IL6ST: variants seen among roughly 807,000 people sequenced by gnomAD.
IL6ST encodes interleukin-6 receptor subunit beta.
IL6ST carries 24 observed loss-of-function variants against 91.3 expected under a neutral mutation model. The observed-to-expected ratio is 0.26, with a 90% confidence interval of 0.19 to 0.37. The LOEUF (loss-of-function observed/expected upper bound fraction) is 0.37, where lower values mean the gene tolerates loss of function less well. Among genes scored for constraint, IL6ST ranks in the 10% least tolerant of loss-of-function variants. The pLI, the probability that IL6ST is intolerant of heterozygous loss-of-function variation, is 1.00. For missense variants in IL6ST, 914 were observed against 1,078.5 expected (o/e 0.85, Z 2.14); for synonymous variants, 351 against 373.6 (o/e 0.94, Z 0.70).
At chr5:55,992,184 A>G (rs1754371751) in intron 1 of IL6ST, among the ~76,000 whole-genome samples, 1 of 152,236 alleles carries the variant, frequency 6.6e-6, no homozygotes, top group Non-Finnish European at 1.5e-5. Flanking sequence ...CAGGACTCAG[A>G]ACACTGCACA....
intron 9 of IL6ST, 138 bp downstream of exon 9, chr5:55,957,071 T>C: frequency 2.2e-6 from 1 of 451,918 alleles, no homozygotes; most frequent in East Asian, 5.2e-5. Context: ...GGCAGGAGAA[T>C]CACTTGAACC....
chr5:55,994,559 T>A (rs1754536433), intron 1 of IL6ST, among the ~76,000 whole-genome samples: 1 of 151,206 alleles, frequency 6.6e-6, no homozygotes, highest in African/African-American at 2.4e-5. Context: ...CTGGGTGAAG[T>A]TTGTACTCAG....
Position 55,951,515 on chromosome 5 carries a change from C to T in IL6ST, c.1789G>A (p.Asp597Asn). 2 of 1,613,048 alleles carry T rather than the reference C, an allele frequency of 1.2e-6. No individual in the cohort carries two copies. Among genetic ancestry groups the T allele is most frequent in the South Asian group, 2.2e-5 (2 of 91,056 alleles). ...LYMVRMAAYT[D>N]EGGKDGPEFT... Reference sequence around the variant, plus strand: ...TCTGGACCATCCTTCCCACCTTCATCTGTGTATGCTGCCATTCGTACCATG... The same window carrying T: ...TCTGGACCATCCTTCCCACCTTCATTTGTGTATGCTGCCATTCGTACCATG... The change falls in exon 14 of 17, where the codon GAT becomes AAT. Residue 597 changes from aspartate (D) to asparagine (N), a missense_variant. Transcript: ENST00000381298.
chr5:55,956,230 C>T lies in IL6ST; in HGVS notation c.1062G>A (p.Leu354=), dbSNP rs1561171101. The change falls in exon 10 of 17, where the codon TTG becomes TTA. Residue 354 remains leucine, a synonymous_variant. Transcript: ENST00000381298. Reference sequence around the variant, plus strand: ...TTTTTCCATTGGCTTCAAAAGGAGGCAATGTCTGTAATAAAATAGTTTATT... The same window carrying T: ...TTTTTCCATTGGCTTCAAAAGGAGGTAATGTCTGTAATAAAATAGTTTATT... The part of the protein sequence containing the change: ...YRTVQLVWKT[L]PPFEANGKIL... 1.3e-6 allele frequency: 2 copies of T among 1,560,554 alleles called. No individual in the cohort carries two copies. Among genetic ancestry groups the T allele is most frequent in the Non-Finnish European group, 8.8e-7 (1 of 1,132,366 alleles).
At position 55,992,806 on chromosome 5, in the gene IL6ST, G is replaced by A. The variant is rs1315730214; in HGVS notation, c.-104+1978C>T. Among the ~76,000 whole-genome samples, 7 of 152,084 alleles carry A rather than the reference G, an allele frequency of 4.6e-5. No individual in the cohort carries two copies. In the East Asian group the frequency reaches 1.3e-3, roughly 29 times the overall value. On this transcript the variant is annotated intron_variant, in intron 1 of 16. Coordinates refer to ENST00000381298, the MANE Select transcript of IL6ST (RefSeq NM_002184.4). ...TAAATGCTCACTCCAATCCTTAAAC[G>A]ATCATTCCCTAATTTTAATATCTAC...
In IL6ST at chr5:55,969,562, T is replaced by G; in HGVS notation, c.358A>C (p.Ile120Leu). The G allele has an allele frequency of 6.2e-7, 1 of 1,606,814 alleles. No individual in the cohort carries two copies. Among genetic ancestry groups the G allele is most frequent in the Non-Finnish European group, 8.5e-7 (1 of 1,174,628 alleles). The change falls in exon 4 of 17, where the codon ATA (isoleucine) becomes CTA (leucine). Residue 120 changes from isoleucine to leucine, a missense_variant. Ile to Leu is a conservative substitution (Grantham distance 5). Transcript: ENST00000381298. The part of the protein sequence containing the change: ...QLEQNVYGIT[I>L]ISGLPPEKPK... ...AAACAAAACTTACAGCCTGAAATTA[T>G]TGTGATTCCATAAACATTCTGTTCA...
intron 11 of IL6ST, among the ~76,000 whole-genome samples, chr5:55,953,825 C>T (rs973382015): frequency 6.6e-6 from 1 of 152,020 alleles, no homozygotes; most frequent in Admixed American, 6.6e-5. Context: ...TCCCTCTCTA[C>T]AAAAAAATAA....
intron 7 of IL6ST, 77 bp downstream of exon 7, chr5:55,963,275 T>G: frequency 1.9e-6 from 2 of 1,035,114 alleles, no homozygotes; most frequent in South Asian, 1.8e-5. Context: ...TAAAGACATT[T>G]AGAAAATGAC....
intron 15 of IL6ST, among the ~76,000 whole-genome samples, chr5:55,945,127 C>A (rs977693912): frequency 6.8e-6 from 1 of 146,182 alleles, no homozygotes; most frequent in Non-Finnish European, 1.5e-5. Flanking sequence ...CCAATCAAAA[C>A]TATAGTTTTA....
chr5:55,944,777 T>G (rs1323004552), intron 15 of IL6ST: 2 of 777,426 alleles, frequency 2.6e-6, no homozygotes, highest in African/African-American at 3.5e-5. Context: ...AGCAGAAACA[T>G]GGAATGCCAG....
intron 2 of IL6ST, among the ~76,000 whole-genome samples, chr5:55,978,648 C>G (rs1213194823): frequency 6.6e-6 from 1 of 152,240 alleles, no homozygotes; most frequent in Admixed American, 6.5e-5. Flanking sequence ...CTGCTTGAAC[C>G]TGGGAGGCGG....
intron 14 of IL6ST, among the ~76,000 whole-genome samples, chr5:55,949,329 G>A (rs935889413): frequency 3.3e-5 from 5 of 152,102 alleles, no homozygotes; most frequent in Non-Finnish European, 7.4e-5. Flanking sequence ...GTTTTAACTA[G>A]CCAGGCATGG....
At chr5:55,951,809 T>G (rs1410638831) in intron 13 of IL6ST, 120 bp downstream of exon 13, 11 of 754,572 alleles carry the variant, frequency 1.5e-5, no homozygotes, top group Non-Finnish European at 2.1e-5. Flanking sequence ...TAAGGCAAAT[T>G]CTCAGGTGTC....
rs2111638307 is a variant in IL6ST, at chr5:55,947,524, C to T, written c.1906G>A (p.Gly636Arg). 6.3e-7 allele frequency: 1 copy of T among 1,589,346 alleles called. No homozygotes were observed. Among genetic ancestry groups the T allele is most frequent in the Non-Finnish European group, 8.6e-7 (1 of 1,169,482 alleles). Reference sequence around the variant, plus strand: ...CGCTTATTAAAGCAGAACAGCACTCCCAGAAGAGTTGTCAATAGGAATGCT... The same window carrying T: ...CGCTTATTAAAGCAGAACAGCACTCTCAGAAGAGTTGTCAATAGGAATGCT... Reference protein sequence around the residue: ...CLAFLLTTLLGVLFCFNKRDL... With the variant: ...CLAFLLTTLLRVLFCFNKRDL... Residue 636 changes from glycine to arginine, a missense_variant, in exon 15 of 17, where the codon GGA becomes AGA. Physicochemically the swap from Gly to Arg is moderately radical, Grantham distance 125. Coordinates refer to ENST00000381298, the MANE Select transcript of IL6ST (RefSeq NM_002184.4).
At chr5:55,976,576 G>T (rs1753303292) in intron 2 of IL6ST, among the ~76,000 whole-genome samples, 1 of 152,146 alleles carries the variant, frequency 6.6e-6, no homozygotes, top group Non-Finnish European at 1.5e-5. Context: ...ATAACTGTGA[G>T]ATTAAGAACT....
At chr5:55,944,262 A>G (rs535498123) in intron 15 of IL6ST, among the ~76,000 whole-genome samples, 2 of 152,350 alleles carry the variant, frequency 1.3e-5, no homozygotes, top group South Asian at 4.1e-4. Flanking sequence ...AACTAAAAGC[A>G]TAAAGATTAG....
intron 7 of IL6ST, 135 bp downstream of exon 7, chr5:55,963,217 C>G: frequency 1.7e-6 from 1 of 574,718 alleles, no homozygotes; most frequent in South Asian, 3.0e-5. Context: ...TTTGAAATAA[C>G]AACCCAGAAG....
chr5:55,952,057 G>A lies in IL6ST; in HGVS notation c.1571C>T (p.Thr524Ile), dbSNP rs1265681602. The A allele has an allele frequency of 5.6e-6, 9 of 1,613,254 alleles. No homozygotes were observed. The highest frequency in any genetic ancestry group is 5.9e-6 in the Non-Finnish European group (7 of 1,179,756). Residue 524 changes from threonine to isoleucine, a missense_variant, in exon 13 of 17, where the codon ACT becomes ATT. By Grantham distance (89) the Thr-to-Ile change is moderately conservative. Coordinates refer to ENST00000381298, the MANE Select transcript of IL6ST (RefSeq NM_002184.4). ...TTTCCCTACTTTTTTTGTCCGAACA[G>A]TAGGTCCTTTGGAAGGTGCTGTAAC... is the stretch of plus-strand genomic sequence containing the variant. Reference protein sequence around the residue: ...LKQAPPSKGPTVRTKKVGKNE... With the variant: ...LKQAPPSKGPIVRTKKVGKNE...
rs115390962 is a variant in IL6ST, at chr5:55,954,745, A to G, written c.1450+65T>C. On this transcript the variant is annotated intron_variant, in intron 11 of 16. Coordinates refer to ENST00000381298, the MANE Select transcript of IL6ST (RefSeq NM_002184.4). ...TCAACGGACCAAAACACTATAAGCA[A>G]AAGAAAAAGCTGCCTAAAGAGTTAG... 591 of 1,289,654 alleles carry G rather than the reference A, an allele frequency of 4.6e-4. 3 individuals are homozygous for G. In the African/African-American group the frequency reaches 5.7e-3, roughly 12 times the overall value. 79.9% of individuals were successfully genotyped at this position (1,289,654 alleles called of 1,614,324 possible). A position where few individuals can be genotyped will look rare whatever the true frequency, so the allele number is the denominator to read the frequency against.
Sources: gnomAD v4.1 joint callset for allele counts (sites outside exome capture counted in the v4.1 genomes callset) on GRCh38, gnomAD v4.1.1 for gene constraint, MANE v1.5 for transcripts, NCBI Gene and HGNC (gene_info 2026-07-23, HGNC 2026-07-21) for gene names.